FAM3B: variants seen among roughly 807,000 people sequenced by gnomAD.
FAM3B encodes FAM3 metabolism regulating signaling molecule B.
A neutral mutation model predicts 28.4 loss-of-function variants in FAM3B; 29 were observed. The observed-to-expected ratio is 1.02, with a 90% confidence interval of 0.76 to 1.39. The LOEUF (loss-of-function observed/expected upper bound fraction) is 1.39. FAM3B is among the 40% of genes most tolerant of loss of function. FAM3B has a pLI of 0.00. For missense variants in FAM3B, 266 were observed against 293.9 expected, an observed-to-expected ratio of 0.91 and a Z score of 0.69; for synonymous variants, 91 against 103.0, an observed-to-expected ratio of 0.88 and a Z score of 0.71.
intron 1 of FAM3B, 59 bp downstream of exon 1, chr21:41,316,957 A>C (rs1228517784): frequency 7.9e-7 from 1 of 1,263,566 alleles, no homozygotes; most frequent in African/African-American, 1.5e-5. Context: ...CCCCAGGGGA[A>C]GCGTCGCTCC....
At chr21:41,335,309 G>A (rs2088945432) in intron 2 of FAM3B, among the ~76,000 whole-genome samples, 1 of 152,204 alleles carries the variant, frequency 6.6e-6, no homozygotes, top group Non-Finnish European at 1.5e-5. Flanking sequence ...GATGTGATTT[G>A]CATTTGTGTC....
Position 41,338,510 on chromosome 21 carries a change from C to T in FAM3B, c.287+9C>T, listed in dbSNP as rs1482515036. 7 of 1,613,726 alleles carry T rather than the reference C, an allele frequency of 4.3e-6. No individual in the cohort carries two copies. The highest frequency in any genetic ancestry group is 5.9e-6 in the Non-Finnish European group (7 of 1,179,880). On this transcript the variant is annotated intron_variant, in intron 3 of 7. Coordinates refer to ENST00000357985, the MANE Select transcript of FAM3B (RefSeq NM_058186.4). ...TGCTTTGAGGATAACCTGTAAGTAC[C>T]AGCGTTTAGAAGGAAAATAAAGCGA...
chr21:41,309,820 G>A (rs1262258037), intron 1 of FAM3B, among the ~76,000 whole-genome samples: 1 of 152,198 alleles, frequency 6.6e-6, no homozygotes, highest in Non-Finnish European at 1.5e-5. Flanking sequence ...ATACCATCAC[G>A]CTTGGGAACT....
chr21:41,330,147 A>T (rs2088891677), intron 2 of FAM3B, among the ~76,000 whole-genome samples: 1 of 151,784 alleles, frequency 6.6e-6, no homozygotes, highest in Non-Finnish European at 1.5e-5. Flanking sequence ...AAAAAAAAAA[A>T]AAAACATAAT....
intron 7 of FAM3B, among the ~76,000 whole-genome samples, chr21:41,354,707 A>C (rs1052445341): frequency 1.2e-4 from 18 of 152,200 alleles, no homozygotes; most frequent in African/African-American, 4.1e-4. Flanking sequence ...GAGGAGAAAG[A>C]GAATCAGGAA....
upstream of FAM3B, among the ~76,000 whole-genome samples, chr21:41,315,658 A>C (rs1020446388): frequency 6.6e-6 from 1 of 152,286 alleles, no homozygotes. Flanking sequence ...TTCTTGAGTC[A>C]TTAGGAAGGA....
chr21:41,309,201 TC>T (rs903181932), intron 1 of FAM3B, among the ~76,000 whole-genome samples: 6 of 152,236 alleles, frequency 3.9e-5, no homozygotes, highest in African/African-American at 1.4e-4. Flanking sequence ...AGTTAGATGA[TC>T]CTGTAAACTG....
chr21:41,305,381 A>G (rs972301470), intron 1 of FAM3B, among the ~76,000 whole-genome samples: 58 of 152,304 alleles, frequency 3.8e-4, no homozygotes, highest in African/African-American at 1.4e-3. Flanking sequence ...TAGGAATCCC[A>G]TGGATTTCAG....
At chr21:41,331,625 G>A (rs887386764) in intron 2 of FAM3B, among the ~76,000 whole-genome samples, 1 of 152,198 alleles carries the variant, frequency 6.6e-6, no homozygotes, top group African/African-American at 2.4e-5. Context: ...GGTGTGAGAT[G>A]AGGATCTAAT....
At chr21:41,305,627 A>G (rs2088679235) in intron 1 of FAM3B, among the ~76,000 whole-genome samples, 1 of 152,234 alleles carries the variant, frequency 6.6e-6, no homozygotes, top group South Asian at 2.1e-4. Flanking sequence ...TTCCCAATGC[A>G]CATAAAAGTA....
intron 5 of FAM3B, 30 bp downstream of exon 5, chr21:41,345,766 A>G (rs1276865584): frequency 1.4e-5 from 18 of 1,303,158 alleles, no homozygotes; most frequent in Non-Finnish European, 2.0e-5. Flanking sequence ...TAAAATTCAA[A>G]TGAATTTTAA....
chr21:41,315,623 G>A (rs559265978), upstream of FAM3B, among the ~76,000 whole-genome samples: 7 of 152,232 alleles, frequency 4.6e-5, no homozygotes, highest in South Asian at 1.2e-3. Flanking sequence ...CAAACGGGCC[G>A]TGCTCAGGCC....
At chr21:41,311,475 A>T (rs1005358506) in intron 1 of FAM3B, among the ~76,000 whole-genome samples, 2 of 150,894 alleles carry the variant, frequency 1.3e-5, no homozygotes, top group Non-Finnish European at 3.0e-5. Flanking sequence ...AAAAAAAATT[A>T]AAAATGACAA....
intron 1 of FAM3B, among the ~76,000 whole-genome samples, chr21:41,311,193 C>T (rs1183385063): frequency 7.9e-6 from 1 of 127,376 alleles, no homozygotes; most frequent in South Asian, 2.6e-4. Context: ...TTACTGCATT[C>T]GAAGTTGAAA....
At chr21:41,352,032 C>T (rs532568346) in intron 7 of FAM3B, among the ~76,000 whole-genome samples, 148 of 152,278 alleles carry the variant, frequency 9.7e-4, no homozygotes, top group Non-Finnish European at 1.8e-3. Context: ...AAGCATGATG[C>T]AGCAGGAGGA....
intron 6 of FAM3B, among the ~76,000 whole-genome samples, 166 bp from the exon 7 acceptor site, chr21:41,348,426 G>A (rs755944663): frequency 1.3e-5 from 2 of 152,220 alleles, no homozygotes; most frequent in Non-Finnish European, 2.9e-5. Context: ...TTCTCAAGAA[G>A]CATGTGTGCC....
upstream of FAM3B, among the ~76,000 whole-genome samples, chr21:41,316,394 A>AC (rs1437652772): frequency 6.6e-6 from 1 of 152,186 alleles, no homozygotes. Flanking sequence ...AGCAAAGAAG[A>AC]CCGATGGCCT....
At chr21:41,348,762 A>T (rs1419924176) in intron 7 of FAM3B, 38 bp downstream of exon 7, 1 of 1,613,296 alleles carries the variant, frequency 6.2e-7, no homozygotes, top group South Asian at 1.1e-5. Flanking sequence ...ACCAATGGTG[A>T]GTATAGTAAA....
chr21:41,316,924 AGGGTAGGGGCGG>A, intron 1 of FAM3B, 26 bp downstream of exon 1: 1 of 1,340,308 alleles, frequency 7.5e-7, no homozygotes, highest in East Asian at 2.9e-5. Context: ...CCTCGGGGCG[AGGGTAGGGGCGG>A]GGAAGGAGGA....
Sources: allele counts gnomAD v4.1 joint callset (sites outside exome capture counted in the v4.1 genomes callset), GRCh38; gene constraint gnomAD v4.1.1; transcripts MANE v1.5; gene names NCBI Gene and HGNC (gene_info 2026-07-23, HGNC 2026-07-21).